The following TMEM132C variants were observed in gnomAD, a reference collection of about 807,000 sequenced individuals.
TMEM132C encodes the protein protein phosphatase 1, regulatory subunit 152.
A neutral mutation model predicts 61.4 loss-of-function variants in TMEM132C; 29 were observed. That is an observed-to-expected ratio of 0.47 (90% confidence interval 0.35 to 0.64). The LOEUF (loss-of-function observed/expected upper bound fraction) is 0.64, where lower values mean the gene tolerates loss of function less well. Among genes scored for constraint, TMEM132C ranks in the 30% least tolerant of loss-of-function variants. TMEM132C has a pLI of 0.00. For missense variants in TMEM132C, 1,408 were observed against 1,476.9 expected (o/e 0.95, Z 0.76); for synonymous variants, 656 against 633.1 (o/e 1.04, Z -0.54).
chr12:128,348,222 A>G (rs767004921), intron 1 of TMEM132C, among the ~76,000 whole-genome samples: 3 of 152,068 alleles, frequency 2.0e-5, no homozygotes, highest in Non-Finnish European at 4.4e-5. Flanking sequence ...TATTTTCTTC[A>G]TTTCATTTTG....
intron 2 of TMEM132C, among the ~76,000 whole-genome samples, chr12:128,511,359 C>G (rs1458603779): frequency 1.3e-5 from 2 of 152,226 alleles, no homozygotes; most frequent in South Asian, 2.1e-4. Context: ...CAAAACCACT[C>G]TCACTTCTGA....
At chr12:128,591,348 G>C (rs796637369) in intron 3 of TMEM132C, among the ~76,000 whole-genome samples, 1 of 152,010 alleles carries the variant, frequency 6.6e-6, no homozygotes, top group South Asian at 2.1e-4. Flanking sequence ...GGCGTTTCGT[G>C]TCAGTGGAAT....
intron 3 of TMEM132C, among the ~76,000 whole-genome samples, chr12:128,577,689 T>C (rs1395787787): frequency 1.3e-5 from 2 of 152,232 alleles, no homozygotes; most frequent in Non-Finnish European, 2.9e-5. Flanking sequence ...CTGAAGTGGC[T>C]ATTGATCTTT....
At chr12:128,596,650 C>T (rs112258833) in intron 3 of TMEM132C, among the ~76,000 whole-genome samples, 9 of 143,314 alleles carry the variant, frequency 6.3e-5, no homozygotes, top group East Asian at 2.1e-4. Flanking sequence ...CTGCCCCTTT[C>T]GCAGGTCCTG....
intron 3 of TMEM132C, among the ~76,000 whole-genome samples, chr12:128,603,413 A>C (rs1019828472): frequency 1.3e-5 from 2 of 152,182 alleles, no homozygotes; most frequent in Non-Finnish European, 2.9e-5. Context: ...AGCAGTTACA[A>C]CAGAGGGAAT....
At chr12:128,374,986 A>G (rs12824672) in intron 1 of TMEM132C, among the ~76,000 whole-genome samples, 106,024 of 137,770 alleles carry the variant, frequency 0.77, 42,192 homozygotes, top group Non-Finnish European at 0.89. Flanking sequence ...GATGAAAACC[A>G]TTCCCAGCCT....
At chr12:128,645,839 G>C (rs1954192405) in intron 4 of TMEM132C, among the ~76,000 whole-genome samples, 1 of 152,220 alleles carries the variant, frequency 6.6e-6, no homozygotes, top group South Asian at 2.1e-4. Context: ...TTGGATGTGA[G>C]TGTGTCTACT....
chr12:128,376,286 G>A (rs1482428804), intron 1 of TMEM132C, among the ~76,000 whole-genome samples: 1 of 152,172 alleles, frequency 6.6e-6, no homozygotes, highest in African/African-American at 2.4e-5. Context: ...GATTTATGAA[G>A]GTCTCAGGGT....
intron 2 of TMEM132C, among the ~76,000 whole-genome samples, chr12:128,486,630 C>T (rs995270340): frequency 6.6e-6 from 1 of 152,124 alleles, no homozygotes; most frequent in Non-Finnish European, 1.5e-5. Flanking sequence ...TTATTTTTCA[C>T]TTGCCTTTTT....
At chr12:128,646,272 A>T (rs1192015159) in intron 4 of TMEM132C, among the ~76,000 whole-genome samples, 6 of 151,134 alleles carry the variant, frequency 4.0e-5, no homozygotes, top group African/African-American at 1.5e-4. Flanking sequence ...AGATCCCATC[A>T]ACTTTCAATA....
chr12:128,292,705 A>G (rs1849850), intron 1 of TMEM132C, among the ~76,000 whole-genome samples: 83,601 of 112,418 alleles, frequency 0.74, 28,348 homozygotes, highest in Non-Finnish European at 0.8. Flanking sequence ...AGGTACCTAA[A>G]TTCCTAGATG....
chr12:128,306,609 T>C (rs1192225980), intron 1 of TMEM132C, among the ~76,000 whole-genome samples: 1 of 152,230 alleles, frequency 6.6e-6, no homozygotes, highest in East Asian at 1.9e-4. Flanking sequence ...GTAATGTTTA[T>C]GGGACAGCAG....
rs551070382 is a variant in TMEM132C, at chr12:128,316,872, A to G, written c.85+49385A>G. 2.6e-5 allele frequency among the ~76,000 whole-genome samples: 4 copies of G among 152,214 alleles called. No individual in the cohort carries two copies. In the South Asian group the frequency reaches 8.3e-4, roughly 32 times the overall value. On this transcript the variant is annotated intron_variant, in intron 1 of 8. Coordinates refer to ENST00000435159, the MANE Select transcript of TMEM132C (RefSeq NM_001136103.3). The stretch of plus-strand genomic sequence containing the variant: ...CCATCTGTGACTCACTCATATTTAC[A>G]TAGTTATTTGTTTATTTTTAAATAG...
intron 2 of TMEM132C, among the ~76,000 whole-genome samples, chr12:128,525,838 T>A (rs935408182): frequency 2.0e-5 from 3 of 152,188 alleles, no homozygotes; most frequent in African/African-American, 7.2e-5. Context: ...TGATGTCACA[T>A]GAAGTGCCCC....
At chr12:128,503,225 C>T (rs992238975) in intron 2 of TMEM132C, among the ~76,000 whole-genome samples, 2 of 152,202 alleles carry the variant, frequency 1.3e-5, no homozygotes, top group African/African-American at 4.8e-5. Context: ...TCTGGAGATA[C>T]ATTATCTATG....
chr12:128,487,861 C>T (rs943896351), intron 2 of TMEM132C, among the ~76,000 whole-genome samples: 2 of 152,132 alleles, frequency 1.3e-5, no homozygotes, highest in Non-Finnish European at 2.9e-5. Context: ...CCACTGGCCT[C>T]ATTCTCTAGA....
chr12:128,341,000 G>A (rs1452206663), intron 1 of TMEM132C, among the ~76,000 whole-genome samples: 3 of 146,788 alleles, frequency 2.0e-5, no homozygotes, highest in Non-Finnish European at 3.0e-5. Flanking sequence ...ACCTAGTCTG[G>A]AGTAATCTCA....
intron 1 of TMEM132C, among the ~76,000 whole-genome samples, chr12:128,291,314 T>G (rs956793927): frequency 1.3e-5 from 2 of 152,196 alleles, no homozygotes; most frequent in Non-Finnish European, 2.9e-5. Context: ...CACCCTATAG[T>G]GCAGAGTTTC....
intron 1 of TMEM132C, among the ~76,000 whole-genome samples, chr12:128,282,391 A>G (rs1263595583): frequency 1.3e-5 from 2 of 152,246 alleles, no homozygotes; most frequent in Non-Finnish European, 2.9e-5. Flanking sequence ...GAAACTTACA[A>G]TCATGGCAGA....
Sources: gnomAD v4.1 joint callset for allele counts (sites outside exome capture counted in the v4.1 genomes callset) on GRCh38, gnomAD v4.1.1 for gene constraint, MANE v1.5 for transcripts, NCBI Gene and HGNC (gene_info 2026-07-23, HGNC 2026-07-21) for gene names.